The following AMOTL1 variants were observed in gnomAD, a reference collection of about 807,000 sequenced individuals.
AMOTL1 encodes the protein angiomotin like 1.
Under a neutral mutation model 102.9 loss-of-function variants are expected in AMOTL1, and 45 were observed. That is an observed-to-expected ratio of 0.44 (90% confidence interval 0.34 to 0.56). AMOTL1 has a LOEUF of 0.56. AMOTL1 is among the 20% of genes least tolerant of loss of function. The pLI is 0.01. For synonymous variants in AMOTL1, 481 were observed against 484.7 expected (o/e 0.99, Z 0.10); for missense variants, 1,114 against 1,225.6 (o/e 0.91, Z 1.36).
intron 1 of AMOTL1, among the ~76,000 whole-genome samples, chr11:94,727,897 CCAGG>C (rs1440365054): frequency 6.6e-6 from 1 of 152,136 alleles, no homozygotes; most frequent in African/African-American, 2.4e-5. Flanking sequence ...TCATATTTTT[CCAGG>C]CAGATAGCCA....
chr11:94,758,028 C>G (rs1265094205), intron 3 of AMOTL1, among the ~76,000 whole-genome samples: 1 of 152,226 alleles, frequency 6.6e-6, no homozygotes, highest in Non-Finnish European at 1.5e-5. Context: ...TGCCATTGCA[C>G]TCCAGCCTGG....
At chr11:94,778,272 T>C (rs1476491667) in intron 1 of AMOTL1, among the ~76,000 whole-genome samples, 1 of 152,224 alleles carries the variant, frequency 6.6e-6, no homozygotes, top group Non-Finnish European at 1.5e-5. Flanking sequence ...GGTATCTTAC[T>C]AGAAATCTGC....
chr11:94,781,876 T>C, intron 1 of AMOTL1, among the ~76,000 whole-genome samples: 1 of 152,044 alleles, frequency 6.6e-6, no homozygotes, highest in East Asian at 1.9e-4. Context: ...ATCTTCATAA[T>C]AATGCTAAGA....
At chr11:94,867,574 T>A (rs1241142427) in intron 11 of AMOTL1, among the ~76,000 whole-genome samples, 1 of 152,034 alleles carries the variant, frequency 6.6e-6, no homozygotes, top group Non-Finnish European at 1.5e-5. Flanking sequence ...TCCTCCTCAT[T>A]GTTGTCATTG....
chr11:94,729,539 C>T (rs1422895183), intron 2 of AMOTL1, among the ~76,000 whole-genome samples: 2 of 152,260 alleles, frequency 1.3e-5, no homozygotes, highest in African/African-American at 4.8e-5. Flanking sequence ...ATTAATGTGA[C>T]TCAGCATTAA....
intron 3 of AMOTL1, among the ~76,000 whole-genome samples, chr11:94,752,917 T>C (rs1950675020): frequency 6.6e-6 from 1 of 152,068 alleles, no homozygotes; most frequent in African/African-American, 2.4e-5. Flanking sequence ...CTCCCAAGGG[T>C]TTGCTGTTTA....
chr11:94,830,378 C>G (rs776812926), intron 5 of AMOTL1, among the ~76,000 whole-genome samples, 184 bp downstream of exon 5: 3 of 152,138 alleles, frequency 2.0e-5, no homozygotes, highest in Non-Finnish European at 4.4e-5. Flanking sequence ...TCTTTTCTGC[C>G]TTGTGGGTTG....
chr11:94,754,558 A>T (rs1220106527), intron 3 of AMOTL1, among the ~76,000 whole-genome samples: 1 of 152,190 alleles, frequency 6.6e-6, no homozygotes, highest in Non-Finnish European at 1.5e-5. Context: ...TTGGCTCAGT[A>T]GTATTCAGTG....
chr11:94,827,086 T>C (rs1951981763), intron 4 of AMOTL1, among the ~76,000 whole-genome samples: 1 of 152,200 alleles, frequency 6.6e-6, no homozygotes, highest in Non-Finnish European at 1.5e-5. Flanking sequence ...TAAAGATTAA[T>C]TAATCAGTCA....
At chr11:94,747,312 A>T (rs983140367) in intron 3 of AMOTL1, among the ~76,000 whole-genome samples, 12 of 152,034 alleles carry the variant, frequency 7.9e-5, no homozygotes, top group African/African-American at 2.9e-4. Context: ...CAAGGAGCTC[A>T]GTTGGTGCTG....
intron 2 of AMOTL1, among the ~76,000 whole-genome samples, chr11:94,734,899 C>T (rs1200129230): frequency 1.3e-5 from 2 of 152,174 alleles, no homozygotes; most frequent in East Asian, 3.9e-4. Flanking sequence ...CCTAGTGGGC[C>T]CTAGCTACTG....
chr11:94,792,523 C>T (rs952773978), intron 1 of AMOTL1, among the ~76,000 whole-genome samples: 3 of 152,172 alleles, frequency 2.0e-5, no homozygotes, highest in Non-Finnish European at 2.9e-5. Flanking sequence ...ACAGCTCAGC[C>T]GGTTGGTTGT....
intron 3 of AMOTL1, among the ~76,000 whole-genome samples, chr11:94,807,413 C>A (rs1951584691): frequency 1.3e-5 from 2 of 152,042 alleles, no homozygotes; most frequent in Admixed American, 6.5e-5. Flanking sequence ...ATTAAAATAA[C>A]AATGCTGATT....
rs999660221 is a variant in AMOTL1 at position 94,735,755 on chromosome 11, C to T, written c.86-5183C>T. Among the ~76,000 whole-genome samples the T allele has an allele frequency of 5.7e-4, 87 of 152,098 alleles. 1 individual carries two copies. Among genetic ancestry groups the T allele is most frequent in the Admixed American group, 5.2e-3 (80 of 15,266 alleles). On this transcript the variant is annotated intron_variant, in intron 2 of 4. Transcript: ENST00000299004. ...GAAGTTGTGGATGGTTTTTAGTTTG[C>T]GGATGGAGATTAGGAGAGGACAGGA...
In AMOTL1 at chr11:94,753,295, C is replaced by T. The variant is rs187385956; in HGVS notation, c.136+12307C>T. Reference sequence around the variant, plus strand: ...TCTAATAAATATTATTCTCATCCTACTGCTTTCCTGCTTTTTTTTTTTTTT... The same window carrying T: ...TCTAATAAATATTATTCTCATCCTATTGCTTTCCTGCTTTTTTTTTTTTTT... On this transcript the variant is annotated intron_variant, in intron 3 of 4. Coordinates refer to the AMOTL1 transcript ENST00000299004. 4.1e-5 allele frequency among the ~76,000 whole-genome samples: 6 copies of T among 147,760 alleles called. No individual in the cohort carries two copies. The East Asian group carries it at 1.0e-3, about 25-fold the overall frequency.
intron 2 of AMOTL1, among the ~76,000 whole-genome samples, chr11:94,731,182 G>A (rs1950344551): frequency 2.6e-5 from 4 of 152,192 alleles, no homozygotes. Context: ...CTGGGGCTGA[G>A]GGAAAAGCTT....
intron 4 of AMOTL1, 32 bp from the exon 5 acceptor site, chr11:94,830,018 G>T (rs775552837): frequency 3.2e-6 from 5 of 1,558,888 alleles, no homozygotes; most frequent in South Asian, 1.2e-5. Flanking sequence ...GAATGTCAAA[G>T]GTACCACTTT....
At chr11:94,793,748 C>T (rs984405999) in intron 1 of AMOTL1, among the ~76,000 whole-genome samples, 1 of 152,216 alleles carries the variant, frequency 6.6e-6, no homozygotes, top group Non-Finnish European at 1.5e-5. Context: ...CAGATACTGT[C>T]ATGCATTGGA....
intron 1 of AMOTL1, among the ~76,000 whole-genome samples, chr11:94,713,802 A>G (rs999947282): frequency 6.6e-6 from 1 of 151,694 alleles, no homozygotes; most frequent in Admixed American, 6.6e-5. Context: ...TTTCTTTGGT[A>G]AATTCCTTGG....
Sources: gnomAD v4.1 joint callset for allele counts (sites outside exome capture counted in the v4.1 genomes callset) on GRCh38, gnomAD v4.1.1 for gene constraint, MANE v1.5 for transcripts, NCBI Gene and HGNC (gene_info 2026-07-23, HGNC 2026-07-21) for gene names.